Variants in FBXO10 observed in about 807,000 individuals in gnomAD.
The protein encoded by FBXO10 is F-box only protein 10.
A neutral mutation model predicts 80.7 loss-of-function variants in FBXO10; 39 were observed. That is an observed-to-expected ratio of 0.48 (90% confidence interval 0.37 to 0.63). FBXO10 has a LOEUF of 0.63. FBXO10 is among the 30% of genes least tolerant of loss of function. The pLI is 0.00. For synonymous variants in FBXO10, 449 were observed against 489.6 expected, an observed-to-expected ratio of 0.92 and a Z score of 1.09; for missense variants, 1,025 against 1,269.0, an observed-to-expected ratio of 0.81 and a Z score of 2.92.
Position 37,539,607 on chromosome 9 carries a change from C to T in FBXO10, c.585+1577G>A, listed in dbSNP as rs567522483. On this transcript the variant is annotated intron_variant, in intron 2 of 10. Transcript: ENST00000432825. ...ATTACAAAATGTGAAGGGTCTGGAACATTATTTCTTTCTAGAAACAAACTC... is the reference window on the plus strand; with the variant it reads ...ATTACAAAATGTGAAGGGTCTGGAATATTATTTCTTTCTAGAAACAAACTC... Among the ~76,000 whole-genome samples, 5 of 152,312 alleles carry T rather than the reference C, an allele frequency of 3.3e-5. No individual in the cohort carries two copies. The South Asian group carries it at 6.2e-4, about 19-fold the overall frequency.
At chr9:37,532,841 T>A (rs545650902) in intron 3 of FBXO10, among the ~76,000 whole-genome samples, 2 of 152,244 alleles carry the variant, frequency 1.3e-5, no homozygotes, top group Non-Finnish European at 2.9e-5. Context: ...CTACTTTTAA[T>A]GAAATAAAGT....
intron 1 of FBXO10, among the ~76,000 whole-genome samples, chr9:37,555,251 G>C (rs1822305020): frequency 6.6e-6 from 1 of 151,796 alleles, no homozygotes; most frequent in African/African-American, 2.4e-5. Context: ...ATTCTGGTGG[G>C]TATGTAATGG....
chr9:37,570,105 T>C (rs1414808592), intron 1 of FBXO10, among the ~76,000 whole-genome samples: 1 of 151,572 alleles, frequency 6.6e-6, no homozygotes, highest in Non-Finnish European at 1.5e-5. Context: ...AGGTAAGGAG[T>C]TCGAGACCCG....
chr9:37,526,967 C>T (rs1821493167), intron 5 of FBXO10, among the ~76,000 whole-genome samples: 1 of 152,078 alleles, frequency 6.6e-6, no homozygotes, highest in South Asian at 2.1e-4. Context: ...TCTCCTGCCT[C>T]AGCCTCCCAA....
chr9:37,553,234 G>A (rs1434446062), intron 1 of FBXO10, among the ~76,000 whole-genome samples: 1 of 151,926 alleles, frequency 6.6e-6, no homozygotes, highest in East Asian at 1.9e-4. Context: ...TAGAGACAGG[G>A]TTTCACCATG....
intron 5 of FBXO10, among the ~76,000 whole-genome samples, chr9:37,525,652 C>T (rs755706993): frequency 2.0e-5 from 3 of 151,980 alleles, no homozygotes; most frequent in Admixed American, 6.6e-5. Flanking sequence ...TGGGTTCAAG[C>T]GATGTTCGTG....
chr9:37,538,387 T>C (rs763348393), intron 2 of FBXO10, among the ~76,000 whole-genome samples: 3 of 152,156 alleles, frequency 2.0e-5, no homozygotes, highest in Non-Finnish European at 2.9e-5. Context: ...ATACTGCCAT[T>C]GCCAGGAAGC....
At chr9:37,526,819 T>G (rs920880050) in intron 5 of FBXO10, among the ~76,000 whole-genome samples, 1 of 128,052 alleles carries the variant, frequency 7.8e-6, no homozygotes, top group South Asian at 2.6e-4. Flanking sequence ...TTTTTTAAAA[T>G]ATTTTATTTA....
At chr9:37,559,002 A>T (rs1822408230) in intron 1 of FBXO10, among the ~76,000 whole-genome samples, 1 of 152,104 alleles carries the variant, frequency 6.6e-6, no homozygotes, top group South Asian at 2.1e-4. Flanking sequence ...AGTAGAGACG[A>T]GGTTTCACCA....
In FBXO10 at chr9:37,522,937, G is replaced by A; in HGVS notation, c.1818C>T (p.Ile606=). 1 of 1,591,808 alleles carries A rather than the reference G, an allele frequency of 6.3e-7. No homozygotes were observed. The highest frequency in any genetic ancestry group is 1.3e-5 in the African/African-American group (1 of 74,510). ...TGAGAACGGGGATCCCTCCACGGCG[G>A]ATGTCCACACCTCCCCACTGATTCT... is the stretch of plus-strand genomic sequence containing the variant. ...IRENQWGGVD[I]RRGGIPVLRS... is the part of the protein sequence containing the mutation. The change falls in exon 7 of 11, where the codon ATC becomes ATT. Residue 606 remains isoleucine (I), a synonymous_variant. Coordinates refer to ENST00000432825, the MANE Select transcript of FBXO10 (RefSeq NM_012166.3).
At chr9:37,514,748 C>G (rs540635929) in intron 10 of FBXO10, among the ~76,000 whole-genome samples, 1 of 151,950 alleles carries the variant, frequency 6.6e-6, no homozygotes, top group African/African-American at 2.4e-5. Flanking sequence ...GCAGGAGGAT[C>G]GCTTGAATCT....
intron 1 of FBXO10, among the ~76,000 whole-genome samples, chr9:37,558,252 G>A (rs1341462854): frequency 1.3e-5 from 2 of 152,184 alleles, no homozygotes; most frequent in East Asian, 3.8e-4. Context: ...CTTCCATATG[G>A]TCTTTTGCAG....
rs74171511 is a variant in FBXO10, at chr9:37,550,169, G to GTTTTTTTT, written c.-6-8403_-6-8396dup. On this transcript the variant is annotated intron_variant, in intron 1 of 10. Transcript: ENST00000432825. Reference sequence around the variant, plus strand: ...CAGTTTTCTTTTTTTGTCGTCTCAGGTTTTTTTTTTTTTTTTTTTTTTTTT... The same window carrying GTTTTTTTT: ...CAGTTTTCTTTTTTTGTCGTCTCAGGTTTTTTTTTTTTTTTTTTTTTTTTTTTTTTTTT... 3.6e-3 allele frequency among the ~76,000 whole-genome samples: 244 copies of GTTTTTTTT among 67,940 alleles called. 48 individuals carry two copies. The highest frequency in any genetic ancestry group is 7.6e-3 in the East Asian group (10 of 1,310). The allele number at this position is 67,940 out of a possible 152,430, so 44.6% of individuals were successfully genotyped here.
At chr9:37,575,388 C>T (rs1350635636) in intron 1 of FBXO10, 1 of 152,166 alleles carries the variant, frequency 6.6e-6, no homozygotes, top group Non-Finnish European at 1.5e-5. Flanking sequence ...GCTGAAAAAG[C>T]CCTTCACGTG....
intron 1 of FBXO10, among the ~76,000 whole-genome samples, chr9:37,552,513 C>T (rs1028321212): frequency 6.6e-6 from 1 of 152,010 alleles, no homozygotes; most frequent in African/African-American, 2.4e-5. Context: ...GAAACCCCGT[C>T]TCTACTGAAA....
intron 1 of FBXO10, among the ~76,000 whole-genome samples, chr9:37,544,952 C>T (rs1822016495): frequency 2.8e-5 from 4 of 141,678 alleles, no homozygotes; most frequent in Admixed American, 1.4e-4. Context: ...GGAGATCGCG[C>T]CACTGCACTC....
At chr9:37,517,189 A>G (rs1821202188) in intron 9 of FBXO10, among the ~76,000 whole-genome samples, 1 of 152,106 alleles carries the variant, frequency 6.6e-6, no homozygotes, top group Admixed American at 6.6e-5. Flanking sequence ...AGAATGATAT[A>G]ATGGACTTTG....
chr9:37,533,116 A>C (rs1821669907), intron 3 of FBXO10, among the ~76,000 whole-genome samples: 1 of 152,132 alleles, frequency 6.6e-6, no homozygotes, highest in Admixed American at 6.6e-5. Context: ...CCTGCTAATA[A>C]AGGGATATAT....
rs199846580 is a variant in FBXO10, at chr9:37,541,168, T to G, written c.585+16A>C. On this transcript the variant is annotated intron_variant, in intron 2 of 10. Transcript: ENST00000432825. ...GGTCAGAACTAGAAAGGCCGTCTAT[T>G]GATGTGGATACCCACCTTATACATG... 6.4e-6 allele frequency: 10 copies of G among 1,568,938 alleles called. No individual in the cohort carries two copies. The African/African-American group carries it at 1.1e-4, about 17-fold the overall frequency.
Sources: allele counts gnomAD v4.1 joint callset (sites outside exome capture counted in the v4.1 genomes callset), GRCh38; gene constraint gnomAD v4.1.1; transcripts MANE v1.5; gene names NCBI Gene and HGNC (gene_info 2026-07-23, HGNC 2026-07-21).